Variants in TNR observed in about 807,000 individuals in gnomAD.
TNR encodes tenascin-R.
TNR carries 45 observed loss-of-function variants against 150.4 expected under a neutral mutation model. The ratio of observed to expected loss-of-function variants is 0.30; its 90% CI spans 0.24 to 0.38. The LOEUF is 0.38. Ranked by LOEUF, TNR falls within the 10% of genes least tolerant of loss-of-function variation. TNR has a pLI of 1.00. For synonymous variants in TNR, 687 were observed against 678.4 expected (o/e 1.01, Z -0.20); for missense variants, 1,544 against 1,759.1 (o/e 0.88, Z 2.19).
chr1:175,488,446 A>G (rs1658105710), intron 2 of TNR, among the ~76,000 whole-genome samples: 1 of 152,200 alleles, frequency 6.6e-6, no homozygotes, highest in Non-Finnish European at 1.5e-5. Context: ...TGATTTGGGA[A>G]TGCAGTGAGG....
At chr1:175,504,643 T>G (rs1571533689) in intron 2 of TNR, among the ~76,000 whole-genome samples, 1 of 152,246 alleles carries the variant, frequency 6.6e-6, no homozygotes, top group Middle Eastern at 3.4e-3. Context: ...CCAAGGCAAG[T>G]GAGTCCTGCT....
chr1:175,445,918 A>G (rs1656026874), intron 2 of TNR, among the ~76,000 whole-genome samples: 1 of 152,202 alleles, frequency 6.6e-6, no homozygotes, highest in Non-Finnish European at 1.5e-5. Flanking sequence ...TGCTTTTAAA[A>G]TGTTCTGGAC....
At chr1:175,662,215 G>T (rs1364222690) in intron 1 of TNR, among the ~76,000 whole-genome samples, 1 of 152,164 alleles carries the variant, frequency 6.6e-6, no homozygotes, top group African/African-American at 2.4e-5. Context: ...GTTCATAAAA[G>T]CTGGTGTTTT....
At chr1:175,561,515 TG>T (rs1204578076) in intron 1 of TNR, among the ~76,000 whole-genome samples, 1 of 152,218 alleles carries the variant, frequency 6.6e-6, no homozygotes, top group Non-Finnish European at 1.5e-5. Flanking sequence ...AATTAATGGA[TG>T]CAAGAGGCTT....
At position 175,434,448 on chromosome 1, in the gene TNR, T is replaced by G. The variant is rs572322960; in HGVS notation, c.-63-27671A>C. On this transcript the variant is annotated intron_variant, in intron 2 of 22. Coordinates refer to ENST00000367674, the MANE Select transcript of TNR (RefSeq NM_003285.3). ...AGGATCTGGCCAGCACCGCGGCTGC[T>G]CGCTGGCACCCCCTACTGGCCTGTA... Among the ~76,000 whole-genome samples, 3 of 152,282 alleles carry G rather than the reference T, an allele frequency of 2.0e-5. No homozygotes were observed. In the South Asian group the frequency reaches 6.2e-4, roughly 32 times the overall value.
At chr1:175,717,629 T>C (rs901575439) in intron 1 of TNR, among the ~76,000 whole-genome samples, 3 of 152,214 alleles carry the variant, frequency 2.0e-5, no homozygotes, top group Non-Finnish European at 2.9e-5. Context: ...AATTAGAAAG[T>C]CAATGCACTA....
intron 1 of TNR, among the ~76,000 whole-genome samples, chr1:175,565,152 T>C (rs567123840): frequency 6.6e-6 from 1 of 152,348 alleles, no homozygotes; most frequent in African/African-American, 2.4e-5. Flanking sequence ...CTTTTCTTTT[T>C]ACAAATAAGG....
chr1:175,670,502 C>T (rs1474650545), intron 1 of TNR, among the ~76,000 whole-genome samples: 1 of 152,206 alleles, frequency 6.6e-6, no homozygotes, highest in Non-Finnish European at 1.5e-5. Flanking sequence ...CTGGTAATTG[C>T]TTGTACATTT....
intron 1 of TNR, among the ~76,000 whole-genome samples, chr1:175,564,874 G>A (rs1408532338): frequency 6.6e-6 from 1 of 152,178 alleles, no homozygotes; most frequent in Non-Finnish European, 1.5e-5. Context: ...CCTGCCCTAT[G>A]TCTGGCTTCC....
intron 1 of TNR, among the ~76,000 whole-genome samples, chr1:175,558,611 T>C (rs1425132100): frequency 6.6e-6 from 1 of 152,220 alleles, no homozygotes; most frequent in African/African-American, 2.4e-5. Context: ...AACCAAACTT[T>C]TCCTTCTTCT....
chr1:175,581,619 A>G lies in TNR; in HGVS notation c.-164-53250T>C, dbSNP rs138566663. On this transcript the variant is annotated intron_variant, in intron 1 of 22. Transcript: ENST00000367674. Reference sequence around the variant, plus strand: ...ATCTTCTTGAACTTCTATGTGCCCAATGCTCATTGTCTTTGACTTCACTAC... The same window carrying G: ...ATCTTCTTGAACTTCTATGTGCCCAGTGCTCATTGTCTTTGACTTCACTAC... Among the ~76,000 whole-genome samples, 830 of 152,288 alleles carry G rather than the reference A, an allele frequency of 5.5e-3. 3 individuals carry two copies. The highest frequency in any genetic ancestry group is 7.5e-3 in the Non-Finnish European group (513 of 68,024).
At chr1:175,340,689 C>T (rs1270740694) in intron 18 of TNR, among the ~76,000 whole-genome samples, 1 of 152,190 alleles carries the variant, frequency 6.6e-6, no homozygotes, top group Non-Finnish European at 1.5e-5. Context: ...GTCTGAAGAC[C>T]AGCTAGATTT....
chr1:175,347,670 C>T (rs992285045), intron 18 of TNR, among the ~76,000 whole-genome samples: 5 of 152,092 alleles, frequency 3.3e-5, no homozygotes, highest in African/African-American at 4.8e-5. Flanking sequence ...TCAAGTGATC[C>T]GCCTGCTTCC....
At chr1:175,393,108 T>C (rs962926175) in intron 6 of TNR, among the ~76,000 whole-genome samples, 86 of 152,204 alleles carry the variant, frequency 5.7e-4, no homozygotes, top group Admixed American at 5.6e-3. Flanking sequence ...CAACAAATTC[T>C]GGAAATTTAG....
At chr1:175,677,528 CACA>C (rs1395292760) in intron 1 of TNR, among the ~76,000 whole-genome samples, 1 of 152,202 alleles carries the variant, frequency 6.6e-6, no homozygotes, top group Non-Finnish European at 1.5e-5. Flanking sequence ...GAGACCCTTT[CACA>C]ACAACATCGA....
intron 1 of TNR, among the ~76,000 whole-genome samples, chr1:175,580,037 C>T (rs893169458): frequency 6.6e-6 from 1 of 152,184 alleles, no homozygotes; most frequent in East Asian, 1.9e-4. Context: ...CATTCACCTA[C>T]AGAGTCGACC....
Position 175,365,297 on chromosome 1 carries a change from T to A in TNR, c.2318-18A>T, listed in dbSNP as rs778088351. 6.3e-7 allele frequency: 1 copy of A among 1,582,620 alleles called. No individual in the cohort carries two copies. ...ACGGAAGCCTGCAAAGCAAAGGAGA[T>A]GGATGGTCCTGAAACACGTGAGGAG... On this transcript the variant is annotated intron_variant, in intron 11 of 22. Coordinates refer to ENST00000367674, the MANE Select transcript of TNR (RefSeq NM_003285.3).
intron 1 of TNR, among the ~76,000 whole-genome samples, chr1:175,537,929 A>G (rs1245719343): frequency 6.6e-6 from 1 of 152,188 alleles, no homozygotes; most frequent in Non-Finnish European, 1.5e-5. Flanking sequence ...TCCCACTAAG[A>G]GTCAAGTGCA....
chr1:175,626,366 C>G (rs1490120226), intron 1 of TNR, among the ~76,000 whole-genome samples: 5 of 152,172 alleles, frequency 3.3e-5, no homozygotes, highest in Non-Finnish European at 7.3e-5. Context: ...TGTGAAGTAG[C>G]TGCTTCCAGA....
Sources: allele counts gnomAD v4.1 joint callset (sites outside exome capture counted in the v4.1 genomes callset), GRCh38; gene constraint gnomAD v4.1.1; transcripts MANE v1.5; gene names NCBI Gene and HGNC (gene_info 2026-07-23, HGNC 2026-07-21).